The following ZYG11B variants were observed in gnomAD, a reference collection of about 807,000 sequenced individuals.
ZYG11B encodes zyg-11 family member B, cell cycle regulator.
ZYG11B carries 36 observed loss-of-function variants against 82.4 expected under a neutral mutation model. The ratio of observed to expected loss-of-function variants is 0.44; its 90% CI spans 0.33 to 0.58. The LOEUF (loss-of-function observed/expected upper bound fraction) is 0.58, where lower values mean the gene tolerates loss of function less well. ZYG11B is among the 20% of genes least tolerant of loss of function. The pLI is 0.02. For synonymous variants in ZYG11B, 303 were observed against 312.8 expected (o/e 0.97, Z 0.33); for missense variants, 552 against 895.6 (o/e 0.62, Z 4.90).
chr1:52,776,511 G>T (rs1211412183), intron 3 of ZYG11B, among the ~76,000 whole-genome samples: 2 of 141,266 alleles, frequency 1.4e-5, no homozygotes, highest in Non-Finnish European at 3.0e-5. Context: ...TCCAGACTGA[G>T]CAATAGAGAA....
intron 10 of ZYG11B, chr1:52,805,322 G>C: frequency 2.9e-6 from 1 of 342,858 alleles, no homozygotes; most frequent in Non-Finnish European, 5.8e-6. Context: ...TGAGGAGATG[G>C]ATTTTTAGGA....
At position 52,824,155 on chromosome 1, in the gene ZYG11B, C is replaced by T. The variant is rs1279995126; in HGVS notation, c.*2526C>T. 1.3e-5 allele frequency: 2 copies of T among 151,630 alleles called. No individual in the cohort carries two copies. Among genetic ancestry groups the T allele is most frequent in the African/African-American group, 4.8e-5 (2 of 41,290 alleles). The allele number at this position is 151,630 out of a possible 1,614,324, so 9.4% of individuals were successfully genotyped here. A position where few individuals can be genotyped will look rare whatever the true frequency, so the allele number is the denominator to read the frequency against. On this transcript the variant is annotated 3_prime_UTR_variant, in exon 14 of 14. Transcript: ENST00000294353. ...CTGGGGAAAAAAAAAATTAAACTTCCTACTTTTTTTCTTTTTGTAGAGACA... is the reference window on the plus strand; with the variant it reads ...CTGGGGAAAAAAAAAATTAAACTTCTTACTTTTTTTCTTTTTGTAGAGACA...
intron 13 of ZYG11B, among the ~76,000 whole-genome samples, chr1:52,818,918 C>T (rs1432420841): frequency 2.0e-5 from 3 of 151,742 alleles, no homozygotes; most frequent in East Asian, 1.9e-4. Context: ...CTCAGCCTCC[C>T]GAGTAACTGG....
intron 1 of ZYG11B, among the ~76,000 whole-genome samples, chr1:52,733,050 A>G (rs1379083055): frequency 6.6e-6 from 1 of 152,214 alleles, no homozygotes; most frequent in Non-Finnish European, 1.5e-5. Flanking sequence ...AAGCAATTGT[A>G]TACAAAGACA....
At chr1:52,748,751 AC>A (rs1453536745) in intron 1 of ZYG11B, among the ~76,000 whole-genome samples, 4 of 151,944 alleles carry the variant, frequency 2.6e-5, no homozygotes, top group Non-Finnish European at 5.9e-5. Flanking sequence ...AATCCCAGCT[AC>A]TTGGGAGTCT....
intron 1 of ZYG11B, among the ~76,000 whole-genome samples, chr1:52,743,105 C>T (rs1291494764): frequency 2.0e-5 from 3 of 151,406 alleles, no homozygotes; most frequent in African/African-American, 7.3e-5. Context: ...GCGGTTTTGT[C>T]GAATAGAAAA....
At chr1:52,797,467 A>G (rs1467221134) in intron 8 of ZYG11B, among the ~76,000 whole-genome samples, 3 of 113,672 alleles carry the variant, frequency 2.6e-5, no homozygotes, top group South Asian at 2.6e-4. Flanking sequence ...TATGATATAT[A>G]TATTATATAT....
At chr1:52,780,581 A>G (rs748177530) in intron 4 of ZYG11B, among the ~76,000 whole-genome samples, 33 of 152,310 alleles carry the variant, frequency 2.2e-4, no homozygotes, top group Middle Eastern at 3.4e-3. Flanking sequence ...AGAACCTACT[A>G]TGCATTCTTA....
At chr1:52,812,256 C>T (rs1330785195) in intron 10 of ZYG11B, among the ~76,000 whole-genome samples, 3 of 151,768 alleles carry the variant, frequency 2.0e-5, no homozygotes, top group Non-Finnish European at 4.4e-5. Flanking sequence ...TATTGGATGC[C>T]GGTCCTTGTG....
chr1:52,782,723 C>T (rs1370407048), intron 4 of ZYG11B, among the ~76,000 whole-genome samples: 1 of 151,802 alleles, frequency 6.6e-6, no homozygotes, highest in East Asian at 1.9e-4. Context: ...GACTACAGGC[C>T]CATGCAACCA....
At position 52,826,714 on chromosome 1, in the gene ZYG11B, A is replaced by G. The variant is rs1645328217; in HGVS notation, c.*5085A>G. On this transcript the variant is annotated 3_prime_UTR_variant, in exon 14 of 14. Coordinates refer to ENST00000294353, the MANE Select transcript of ZYG11B (RefSeq NM_024646.3). ...AAAGTAAAGCTCTTTTGGATAGCAC[A>G]GCCTAACTTTACAGCTAGACAGAAT... is the stretch of plus-strand genomic sequence containing the variant. The G allele has an allele frequency of 6.6e-6, 1 of 152,222 alleles. No individual in the cohort carries two copies. The highest frequency in any genetic ancestry group is 1.5e-5 in the Non-Finnish European group (1 of 68,048). 9.4% of individuals were successfully genotyped at this position (152,222 alleles called of 1,614,324 possible). A position where few individuals can be genotyped will look rare whatever the true frequency, so the allele number is the denominator to read the frequency against.
At chr1:52,782,477 A>G (rs1571774725) in intron 4 of ZYG11B, among the ~76,000 whole-genome samples, 2 of 152,248 alleles carry the variant, frequency 1.3e-5, no homozygotes, top group African/African-American at 4.8e-5. Context: ...TGCAACCTCA[A>G]ACTCTTGAGC....
chr1:52,773,962 A>G (rs981603332), intron 3 of ZYG11B, among the ~76,000 whole-genome samples: 8 of 151,460 alleles, frequency 5.3e-5, no homozygotes, highest in Non-Finnish European at 1.2e-4. Flanking sequence ...TGAGAAATTG[A>G]TGGATGAGTG....
chr1:52,741,416 TTC>T (rs1644430957), intron 1 of ZYG11B, among the ~76,000 whole-genome samples: 1 of 152,118 alleles, frequency 6.6e-6, no homozygotes, highest in African/African-American at 2.4e-5. Context: ...ACATCTCAAT[TTC>T]TCATAGGTAC....
intron 6 of ZYG11B, among the ~76,000 whole-genome samples, chr1:52,790,792 T>TTTG (rs1324194119): frequency 6.8e-6 from 1 of 148,006 alleles, no homozygotes; most frequent in East Asian, 1.9e-4. Context: ...TTTTTTTTTT[T>TTTG]GTAACATGTC....
intron 3 of ZYG11B, among the ~76,000 whole-genome samples, chr1:52,774,871 C>G (rs1464219024): frequency 1.3e-5 from 2 of 152,038 alleles, no homozygotes; most frequent in African/African-American, 2.4e-5. Context: ...AGAATTCTTA[C>G]ATTTGTTGGC....
rs57702196 is a variant in ZYG11B, at chr1:52,805,183, A to G, written c.1695+3044A>G. On this transcript the variant is annotated intron_variant, in intron 10 of 13. Transcript: ENST00000294353. Reference sequence around the variant, plus strand: ...TGCTAATCTTCACTGTACCGTTCCAATTTTAGTATATATGCTGTCAAGTGA... The same window carrying G: ...TGCTAATCTTCACTGTACCGTTCCAGTTTTAGTATATATGCTGTCAAGTGA... The G allele has an allele frequency of 3.3e-3, 783 of 235,934 alleles. 14 individuals carry two copies. The highest frequency in any genetic ancestry group is 0.017 in the African/African-American group (739 of 44,090). 14.6% of individuals were successfully genotyped at this position (235,934 alleles called of 1,614,324 possible).
At chr1:52,802,347 T>C (rs1227391931) in intron 10 of ZYG11B, among the ~76,000 whole-genome samples, 2 of 138,362 alleles carry the variant, frequency 1.4e-5, no homozygotes, top group African/African-American at 5.8e-5. Context: ...TCTCTTTTTT[T>C]TTTTTTTTTT....
intron 4 of ZYG11B, 55 bp downstream of exon 4, chr1:52,780,048 A>AT (rs1380316993): frequency 1.0e-5 from 16 of 1,535,916 alleles, no homozygotes; most frequent in Admixed American, 2.2e-5. Flanking sequence ...TGGGCAGATG[A>AT]TTTTTTGAAG....
Sources: allele counts gnomAD v4.1 joint callset (sites outside exome capture counted in the v4.1 genomes callset), GRCh38; gene constraint gnomAD v4.1.1; transcripts MANE v1.5; gene names NCBI Gene and HGNC (gene_info 2026-07-23, HGNC 2026-07-21).